OSBPL5: variants seen among roughly 807,000 people sequenced by gnomAD.
OSBPL5 encodes oxysterol binding protein like 5, also known as oxysterol-binding protein-related protein 5.
A neutral mutation model predicts 111.2 loss-of-function variants in OSBPL5; 71 were observed. The observed-to-expected ratio is 0.64, with a 90% CI of 0.53 to 0.78. The LOEUF (loss-of-function observed/expected upper bound fraction) is 0.78. OSBPL5 is among the 30% of genes least tolerant of loss of function. OSBPL5 has a pLI of 0.00. For missense variants in OSBPL5, 1,210 were observed against 1,189.3 expected (o/e 1.02, Z -0.26); for synonymous variants, 549 against 513.9 (o/e 1.07, Z -0.93).
chr11:3,094,175 G>A (rs370496664), intron 15 of OSBPL5, 62 bp downstream of exon 15: 3 of 1,493,780 alleles, frequency 2.0e-6, no homozygotes, highest in Non-Finnish European at 9.2e-7. Flanking sequence ...GAGTGTGAGG[G>A]GGATCCCCAA....
Position 3,162,692 on chromosome 11 carries a change from C to T in OSBPL5, c.-22+2524G>A, listed in dbSNP as rs1036228614. ...AGACCCAGCCACCAAGGCCCCAAAA[C>T]CTTTAAAAATCTTGACCAGCCCAGG... On this transcript the variant is annotated intron_variant, in intron 1 of 21. Coordinates refer to ENST00000263650, the MANE Select transcript of OSBPL5 (RefSeq NM_020896.4). The surrounding 1 kb of genome is among the most constrained non-coding windows in gnomAD (Gnocchi z 8.1). 5.9e-5 allele frequency among the ~76,000 whole-genome samples: 9 copies of T among 152,036 alleles called. No individual in the cohort carries two copies. The highest frequency in any genetic ancestry group is 1.0e-4 in the Non-Finnish European group (7 of 68,016).
intron 14 of OSBPL5, 195 bp from the exon 15 acceptor site, chr11:3,094,529 G>A: frequency 1.8e-6 from 1 of 565,922 alleles, no homozygotes; most frequent in Admixed American, 3.1e-5. Context: ...GGAGAGGCTG[G>A]TGGGGGTGCG....
intron 12 of OSBPL5, among the ~76,000 whole-genome samples, 197 bp from the exon 13 acceptor site, chr11:3,101,896 G>A (rs935063502): frequency 3.3e-5 from 5 of 152,200 alleles, no homozygotes; most frequent in African/African-American, 1.2e-4. Context: ...TGGGGCTTGC[G>A]GGCCCTGAGT....
chr11:3,128,805 A>G (rs1858724484), intron 2 of OSBPL5, among the ~76,000 whole-genome samples: 1 of 151,920 alleles, frequency 6.6e-6, no homozygotes, highest in Non-Finnish European at 1.5e-5. Flanking sequence ...CCTCAACCAG[A>G]TGGGCTTCAC....
In OSBPL5 at chr11:3,092,814, G is replaced by T. The variant is rs934588280; in HGVS notation, c.2132+53C>A. The T allele has an allele frequency of 1.4e-6, 2 of 1,473,750 alleles. No homozygotes were observed. Among genetic ancestry groups the T allele is most frequent in the Non-Finnish European group, 1.8e-6 (2 of 1,103,936 alleles). The allele number at this position is 1,473,750 out of a possible 1,614,324, so 91.3% of individuals were successfully genotyped here. On this transcript the variant is annotated intron_variant, in intron 18 of 21. Transcript: ENST00000263650. The surrounding 1 kb of genome is among the most constrained non-coding windows in gnomAD (Gnocchi z 5.4). ...GGAGCCCCTGGGCCCTTCTCAGCCC[G>T]TCTGCTAGGCCCAGCCCCACCCTGT...
chr11:3,100,100 T>A (rs1249042091), intron 14 of OSBPL5, 58 bp downstream of exon 14: 1 of 1,498,226 alleles, frequency 6.7e-7, no homozygotes. Flanking sequence ...GGTTTTAGCA[T>A]CTAGCTGCTC....
At chr11:3,127,222 C>T (rs963367581) in intron 2 of OSBPL5, among the ~76,000 whole-genome samples, 3 of 152,218 alleles carry the variant, frequency 2.0e-5, no homozygotes, top group African/African-American at 7.2e-5. Flanking sequence ...GGGCCGCTCC[C>T]GCTGCTTCCT....
At position 3,162,757 on chromosome 11, in the gene OSBPL5, A is replaced by T. The variant is rs1847003208; in HGVS notation, c.-22+2459T>A. Among the ~76,000 whole-genome samples the T allele has an allele frequency of 6.6e-6, 1 of 151,978 alleles. No individual in the cohort carries two copies. Among genetic ancestry groups the T allele is most frequent in the Admixed American group, 6.5e-5 (1 of 15,278 alleles). ...GCTGTCAGTTGCCTCCTCAAGCTGC[A>T]GGCTCGGTAAGTCATCAAGCAAAGC... On this transcript the variant is annotated intron_variant, in intron 1 of 21. Transcript: ENST00000263650. The surrounding 1 kb of genome is among the most constrained non-coding windows in gnomAD (Gnocchi z 8.1).
chr11:3,129,133 A>T lies in OSBPL5; in HGVS notation c.16T>A (p.Phe6Ile), dbSNP rs1285955394. The T allele has an allele frequency of 1.5e-5, 22 of 1,480,656 alleles. No individual in the cohort carries two copies. Among genetic ancestry groups the T allele is most frequent in the Non-Finnish European group, 1.8e-5 (20 of 1,111,110 alleles). 91.7% of individuals were successfully genotyped at this position (1,480,656 alleles called of 1,614,324 possible). MKEEA[F>I]LRRRFSLCPP... Reference sequence around the variant, plus strand: ...CACAGGGAGAAGCGGCGCCGGAGGAAGGCCTCCTCCTTCATGCTGTGGGCG... The same window carrying T: ...CACAGGGAGAAGCGGCGCCGGAGGATGGCCTCCTCCTTCATGCTGTGGGCG... Residue 6 changes from phenylalanine to isoleucine, a missense_variant, in exon 2 of 22, where the codon TTC (phenylalanine) becomes ATC (isoleucine). Physicochemically the swap from Phe to Ile is conservative, Grantham distance 21. Coordinates refer to ENST00000263650, the MANE Select transcript of OSBPL5 (RefSeq NM_020896.4).
In OSBPL5 at chr11:3,120,288, GAGA is replaced by G. The variant is rs369764936; in HGVS notation, c.606+130_606+132del. ...ATCCCCTGGCCGCATGTGGGGCTCA[GAGA>G]AGGTGAGACACCTGCTCAAGGCCCC... is the stretch of plus-strand genomic sequence containing the variant. On this transcript the variant is annotated intron_variant, in intron 6 of 21. Coordinates refer to ENST00000263650, the MANE Select transcript of OSBPL5 (RefSeq NM_020896.4). 7.4e-5 allele frequency: 82 copies of G among 1,102,624 alleles called. No homozygotes were observed. In the African/African-American group the frequency reaches 1.2e-3, roughly 16 times the overall value. 68.3% of individuals were successfully genotyped at this position (1,102,624 alleles called of 1,614,324 possible). A position where few individuals can be genotyped will look rare whatever the true frequency, so the allele number is the denominator to read the frequency against.
chr11:3,146,789 C>T lies in OSBPL5; in HGVS notation c.-21-17620G>A, dbSNP rs1399227138. 4.6e-5 allele frequency: 7 copies of T among 152,218 alleles called. No homozygotes were observed. Among genetic ancestry groups the T allele is most frequent in the Admixed American group, 1.3e-4 (2 of 15,286 alleles). The allele number at this position is 152,218 out of a possible 1,614,324, so 9.4% of individuals were successfully genotyped here. ...TTTGTACAGCCTGTCCCGAAGCGGC[C>T]TGGCACAGGGCAGCAGACTGCAGGG... On this transcript the variant is annotated intron_variant, in intron 1 of 21. Coordinates refer to ENST00000263650, the MANE Select transcript of OSBPL5 (RefSeq NM_020896.4). The surrounding 1 kb of genome is among the most constrained non-coding windows in gnomAD (Gnocchi z 7.8).
chr11:3,125,206 A>G (rs1437237137), intron 3 of OSBPL5, among the ~76,000 whole-genome samples: 5 of 152,262 alleles, frequency 3.3e-5, no homozygotes, highest in African/African-American at 1.2e-4. Context: ...CAGGCTGACC[A>G]GAACTTTGCA....
chr11:3,160,848 G>A (rs1473910939), intron 1 of OSBPL5: 1 of 152,224 alleles, frequency 6.6e-6, no homozygotes, highest in Non-Finnish European at 1.5e-5. Flanking sequence ...GGGCGACAGA[G>A]CTCCCTCTGT....
intron 14 of OSBPL5, among the ~76,000 whole-genome samples, chr11:3,098,763 C>T (rs1166464000): frequency 6.6e-6 from 1 of 151,970 alleles, no homozygotes; most frequent in South Asian, 2.1e-4. Flanking sequence ...CCTCAACCTC[C>T]CAAAGTGCTG....
chr11:3,161,918 G>A lies in OSBPL5; in HGVS notation c.-22+3298C>T, dbSNP rs952596336. 2.0e-5 allele frequency among the ~76,000 whole-genome samples: 3 copies of A among 151,912 alleles called. No homozygotes were observed. The highest frequency in any genetic ancestry group is 7.3e-5 in the African/African-American group (3 of 41,330). ...AAGCAGAGGCACAGGCAGTGCAAAG[G>A]CCCTGGAGTAAGAAGCCGGGGCTGA... On this transcript the variant is annotated intron_variant, in intron 1 of 21. Transcript: ENST00000263650. This position sits in a 1 kb window ranked among gnomAD's most constrained non-coding sequence, Gnocchi z 8.0.
At chr11:3,103,069 C>A (rs1857512865) in intron 11 of OSBPL5, among the ~76,000 whole-genome samples, 170 bp downstream of exon 11, 1 of 152,162 alleles carries the variant, frequency 6.6e-6, no homozygotes, top group Admixed American at 6.5e-5. Flanking sequence ...GAAGTGGGGC[C>A]CTGTCCCCCA....
chr11:3,138,632 C>G (rs943391621), intron 1 of OSBPL5, among the ~76,000 whole-genome samples: 1 of 152,220 alleles, frequency 6.6e-6, no homozygotes, highest in East Asian at 1.9e-4. Context: ...TGCTGTGGGG[C>G]TGGCCTCTGT....
chr11:3,156,088 C>A (rs1244556204), intron 1 of OSBPL5, among the ~76,000 whole-genome samples: 1 of 152,210 alleles, frequency 6.6e-6, no homozygotes, highest in Non-Finnish European at 1.5e-5. Flanking sequence ...AGGGATGATT[C>A]CCTCTGGGAC....
intron 1 of OSBPL5, among the ~76,000 whole-genome samples, chr11:3,144,852 G>A (rs1846286343): frequency 2.0e-5 from 3 of 152,162 alleles, no homozygotes; most frequent in Admixed American, 1.3e-4. Flanking sequence ...GCCACCCCCC[G>A]GCACCCGGAT....
Sources: allele counts gnomAD v4.1 joint callset (sites outside exome capture counted in the v4.1 genomes callset), GRCh38; gene constraint gnomAD v4.1.1; non-coding constraint Gnocchi (gnomAD v3.1); transcripts MANE v1.5; gene names NCBI Gene and HGNC (gene_info 2026-07-23, HGNC 2026-07-21).